ERG: variants seen among roughly 807,000 people sequenced by gnomAD.
ERG encodes the protein ETS transcription factor ERG, also known as transcriptional regulator ERG.
Under a neutral mutation model 55.3 loss-of-function variants are expected in ERG, and 9 were observed. That is an observed-to-expected ratio of 0.16 (90% CI 0.10 to 0.28). The LOEUF (loss-of-function observed/expected upper bound fraction) is 0.28, where lower values mean the gene tolerates loss of function less well. Ranked by LOEUF, ERG falls within the 10% of genes least tolerant of loss-of-function variation. The pLI is 1.00. For missense variants in ERG, 434 were observed against 631.6 expected (o/e 0.69, Z 3.35); for synonymous variants, 223 against 237.3 (o/e 0.94, Z 0.55).
rs545787803 is a variant in ERG, at chr21:38,645,169, A to T, written c.-150+16489T>A. Among the ~76,000 whole-genome samples, 7 of 152,326 alleles carry T rather than the reference A, an allele frequency of 4.6e-5. No individual in the cohort carries two copies. In the South Asian group the frequency reaches 1.5e-3, roughly 32 times the overall value. On this transcript the variant is annotated intron_variant, in intron 1 of 10. Coordinates refer to the ERG transcript ENST00000398910. ...ATGAGACTCTGTCTCAGAAAAAAAT[A>T]AACGATTTTAAAAATTTTAAACCCT... is the stretch of plus-strand genomic sequence containing the variant.
intron 1 of ERG, among the ~76,000 whole-genome samples, chr21:38,601,667 C>T (rs2060165392): frequency 1.3e-5 from 2 of 152,124 alleles, no homozygotes; most frequent in Non-Finnish European, 2.9e-5. Flanking sequence ...ACTCCAAGCA[C>T]TCACCCTCCT....
At chr21:38,446,145 C>T (rs553712212) in intron 1 of ERG, among the ~76,000 whole-genome samples, 5 of 137,558 alleles carry the variant, frequency 3.6e-5, no homozygotes, top group East Asian at 4.6e-4. Flanking sequence ...AAGATACAAA[C>T]GTTTCCACTC....
At chr21:38,418,790 G>A (rs547432358) in intron 3 of ERG, among the ~76,000 whole-genome samples, 27 of 151,884 alleles carry the variant, frequency 1.8e-4, no homozygotes, top group Non-Finnish European at 3.4e-4. Flanking sequence ...AGCCTGGCGT[G>A]GTGGCGGGCG....
At chr21:38,430,257 T>A (rs1229121731) in intron 2 of ERG, among the ~76,000 whole-genome samples, 1 of 152,220 alleles carries the variant, frequency 6.6e-6, no homozygotes, top group Non-Finnish European at 1.5e-5. Flanking sequence ...CATTTTTTGA[T>A]GAAATTATTT....
chr21:38,380,411 A>G lies in ERG; in HGVS notation c.*2992T>C, dbSNP rs745873816. On this transcript the variant is annotated 3_prime_UTR_variant, in exon 10 of 10. Transcript: ENST00000288319. ...ACATAAGGGCATCAAACTAGGAACA[A>G]AAACACAGTCTTGACTGTGATTTGG... 4.9e-5 allele frequency: 52 copies of G among 1,062,850 alleles called. No individual in the cohort carries two copies. Among genetic ancestry groups the G allele is most frequent in the Non-Finnish European group, 5.1e-5 (45 of 877,896 alleles). The allele number at this position is 1,062,850 out of a possible 1,614,324, so 65.8% of individuals were successfully genotyped here.
chr21:38,558,059 TG>T (rs36111453), intron 2 of ERG, among the ~76,000 whole-genome samples: 150 of 151,436 alleles, frequency 9.9e-4, no homozygotes, highest in African/African-American at 3.5e-3. Flanking sequence ...TGCTAAGTTT[TG>T]GGGGGGGGTC....
intron 1 of ERG, among the ~76,000 whole-genome samples, chr21:38,476,171 C>G (rs1053049756): frequency 1.7e-4 from 26 of 152,192 alleles, no homozygotes; most frequent in African/African-American, 5.5e-4. Flanking sequence ...CAGAACTCCT[C>G]GCTGCTTAGG....
In ERG at chr21:38,598,837, G is replaced by A. The variant is rs186072482; in HGVS notation, c.-149-13892C>T. ...TTCAATCAACCAAAGGAGGAGTTGG[G>A]AGACATCTGCACAATTAGCTCTTGT... On this transcript the variant is annotated intron_variant, in intron 1 of 10. Transcript: ENST00000398910. 1.6e-3 allele frequency among the ~76,000 whole-genome samples: 240 copies of A among 152,324 alleles called. 1 individual carries two copies. The highest frequency in any genetic ancestry group is 4.5e-3 in the African/African-American group (186 of 41,558).
rs2059033881 is a variant in ERG at position 38,460,707 on chromosome 21, C to G, written c.19-15086G>C. Among the ~76,000 whole-genome samples the G allele has an allele frequency of 6.6e-6, 1 of 152,148 alleles. No individual in the cohort carries two copies. The highest frequency in any genetic ancestry group is 6.6e-5 in the Admixed American group (1 of 15,266). On this transcript the variant is annotated intron_variant, in intron 1 of 9. Transcript: ENST00000288319. This position sits in a 1 kb window ranked among gnomAD's most constrained non-coding sequence, Gnocchi z 5.0. Reference sequence around the variant, plus strand: ...ACCCACCCATCCACTAATAGGGCAGCCTTTAGGGAAACTGACTTGTGGCAA... The same window carrying G: ...ACCCACCCATCCACTAATAGGGCAGGCTTTAGGGAAACTGACTTGTGGCAA...
At chr21:38,584,431 T>C (rs898999733) in intron 1 of ERG, among the ~76,000 whole-genome samples, 17 of 152,216 alleles carry the variant, frequency 1.1e-4, no homozygotes, top group African/African-American at 1.9e-4. Context: ...ACAAAATGAC[T>C]GTAAGCCAAA....
intron 2 of ERG, among the ~76,000 whole-genome samples, chr21:38,518,248 CTATCTAT>C (rs1483981821): frequency 4.5e-5 from 6 of 133,436 alleles, no homozygotes; most frequent in Admixed American, 4.3e-4. Context: ...ATCTATCTAT[CTATCTAT>C]CTATCTATCT....
At chr21:38,553,059 G>C (rs961175969) in intron 2 of ERG, among the ~76,000 whole-genome samples, 4 of 151,994 alleles carry the variant, frequency 2.6e-5, no homozygotes, top group African/African-American at 9.7e-5. Context: ...TCCAAGCTGA[G>C]AGCCATATCA....
At chr21:38,422,891 G>GTCTATCA (rs1237090041) in intron 3 of ERG, among the ~76,000 whole-genome samples, 1 of 152,106 alleles carries the variant, frequency 6.6e-6, no homozygotes, top group Admixed American at 6.5e-5. Flanking sequence ...AAACAAACAA[G>GTCTATCA]TCTATCATCT....
intron 3 of ERG, among the ~76,000 whole-genome samples, chr21:38,415,277 G>T (rs931938706): frequency 6.6e-6 from 1 of 152,186 alleles, no homozygotes; most frequent in East Asian, 1.9e-4. Context: ...ACATCATAGG[G>T]TGGTCGCATG....
At chr21:38,445,294 C>A (rs1254612570) in intron 2 of ERG, 110 bp downstream of exon 2, 3 of 823,374 alleles carry the variant, frequency 3.6e-6, no homozygotes. Context: ...GGCACAGTGG[C>A]CTTGCTTTCT....
intron 1 of ERG, among the ~76,000 whole-genome samples, chr21:38,491,168 T>C (rs911683236): frequency 1.3e-5 from 2 of 151,176 alleles, no homozygotes; most frequent in African/African-American, 2.4e-5. Flanking sequence ...CAGTTTCTTC[T>C]TCCTCAAAGG....
At chr21:38,416,571 C>G (rs969444219) in intron 3 of ERG, among the ~76,000 whole-genome samples, 1 of 152,206 alleles carries the variant, frequency 6.6e-6, no homozygotes, top group African/African-American at 2.4e-5. Context: ...AGCACTGATT[C>G]CTAATTTCCA....
intron 2 of ERG, among the ~76,000 whole-genome samples, chr21:38,541,368 A>G (rs2059751131): frequency 6.6e-6 from 1 of 152,200 alleles, no homozygotes; most frequent in South Asian, 2.1e-4. Flanking sequence ...AGTTGCCTGG[A>G]TAGCACTGGC....
exon 2 of ERG, chr21:38,575,705 T>C (rs1295674936): frequency 1.9e-6 from 3 of 1,614,064 alleles, no homozygotes; most frequent in Non-Finnish European, 8.5e-7. Context: ...AATCATGTCC[T>C]TCAGTAAGCC....
Sources: gnomAD v4.1 joint callset for allele counts (sites outside exome capture counted in the v4.1 genomes callset) on GRCh38, gnomAD v4.1.1 for gene constraint, Gnocchi (gnomAD v3.1) non-coding constraint, MANE v1.5 for transcripts, NCBI Gene and HGNC (gene_info 2026-07-23, HGNC 2026-07-21) for gene names.